Variants in LRRC1 observed in about 807,000 individuals in gnomAD.
LRRC1 encodes the protein leucine-rich repeat-containing protein 1.
In LRRC1, 28 loss-of-function variants were observed where a neutral mutation model predicts 69.9. The ratio of observed to expected loss-of-function variants is 0.40; its 90% CI spans 0.30 to 0.55. The LOEUF (loss-of-function observed/expected upper bound fraction) is 0.55, where lower values mean the gene tolerates loss of function less well. Among genes scored for constraint, LRRC1 ranks in the 20% least tolerant of loss-of-function variants. LRRC1 has a pLI of 0.47. For missense variants in LRRC1, 498 were observed against 609.0 expected (o/e 0.82, Z 1.92); for synonymous variants, 236 against 240.2 (o/e 0.98, Z 0.16).
intron 1 of LRRC1, among the ~76,000 whole-genome samples, chr6:53,807,269 C>T (rs1425185258): frequency 6.6e-6 from 1 of 152,100 alleles, no homozygotes; most frequent in African/African-American, 2.4e-5. Flanking sequence ...TCCTGACAGA[C>T]CCTCCCTCCT....
At chr6:53,845,429 G>A (rs545583902) in intron 2 of LRRC1, among the ~76,000 whole-genome samples, 1 of 152,318 alleles carries the variant, frequency 6.6e-6, no homozygotes, top group Admixed American at 6.5e-5. Context: ...GAGAGGCGAT[G>A]TGAGAACCTG....
intron 1 of LRRC1, among the ~76,000 whole-genome samples, chr6:53,815,446 TCTTGTTCTCTTTTCTC>T (rs1764923991): frequency 9.6e-6 from 1 of 104,124 alleles, no homozygotes; most frequent in African/African-American, 3.5e-5. Flanking sequence ...TTTTCTTTTC[TCTTGTTCTCTTTTCTC>T]CCTCCACTTT....
intron 4 of LRRC1, among the ~76,000 whole-genome samples, chr6:53,890,329 A>G (rs1479493446): frequency 1.3e-5 from 2 of 152,228 alleles, no homozygotes; most frequent in South Asian, 4.1e-4. Flanking sequence ...CATTATCAAT[A>G]AACATTTAAT....
chr6:53,809,302 G>A (rs1764724304), intron 1 of LRRC1, among the ~76,000 whole-genome samples: 1 of 152,202 alleles, frequency 6.6e-6, no homozygotes, highest in Non-Finnish European at 1.5e-5. Flanking sequence ...GCTAATAAAA[G>A]TTAAGGGAAA....
intron 2 of LRRC1, among the ~76,000 whole-genome samples, chr6:53,862,739 C>T (rs1440119700): frequency 6.6e-6 from 1 of 152,156 alleles, no homozygotes; most frequent in African/African-American, 2.4e-5. Context: ...ATGGCTTTGT[C>T]TACAAGGCTG....
intron 1 of LRRC1, among the ~76,000 whole-genome samples, chr6:53,811,823 A>T (rs1230414043): frequency 6.6e-6 from 1 of 152,252 alleles, no homozygotes; most frequent in Non-Finnish European, 1.5e-5. Flanking sequence ...AGGCTTTTAC[A>T]TGCGAGGTAC....
intron 1 of LRRC1, among the ~76,000 whole-genome samples, chr6:53,830,660 T>G (rs1211781045): frequency 6.6e-6 from 1 of 152,014 alleles, no homozygotes; most frequent in Non-Finnish European, 1.5e-5. Context: ...TGTGAGAAGT[T>G]TAAATGTTAG....
intron 9 of LRRC1, 117 bp from the exon 10 acceptor site, chr6:53,904,262 C>T (rs1768161793): frequency 1.1e-5 from 7 of 613,240 alleles, no homozygotes; most frequent in Admixed American, 3.0e-5. Context: ...TCAGCAAGAA[C>T]TATTGCTTCT....
intron 2 of LRRC1, among the ~76,000 whole-genome samples, chr6:53,858,117 T>C (rs1766371959): frequency 6.6e-6 from 1 of 152,212 alleles, no homozygotes; most frequent in Non-Finnish European, 1.5e-5. Context: ...TCGTTGGCCA[T>C]GGTTAGGACC....
Position 53,851,027 on chromosome 6 carries a change from A to G in LRRC1, c.277+8800A>G, listed in dbSNP as rs80348606. On this transcript the variant is annotated intron_variant, in intron 2 of 13. Coordinates refer to ENST00000370888, the MANE Select transcript of LRRC1 (RefSeq NM_018214.5). ...GAGCTGGGAAATTCAGTTAGCTAGA[A>G]GAGGAGAAGAAATATGACCATTGAT... 5.3e-4 allele frequency among the ~76,000 whole-genome samples: 80 copies of G among 152,252 alleles called. 1 individual carries two copies. The East Asian group carries it at 0.015, about 29-fold the overall frequency.
intron 1 of LRRC1, among the ~76,000 whole-genome samples, chr6:53,798,236 G>A (rs1189355258): frequency 2.0e-5 from 3 of 152,202 alleles, no homozygotes; most frequent in Non-Finnish European, 2.9e-5. Context: ...GCAGTTGGGT[G>A]ATAGCCTCAC....
chr6:53,885,517 T>G (rs1205096144), intron 4 of LRRC1, among the ~76,000 whole-genome samples: 1 of 152,234 alleles, frequency 6.6e-6, no homozygotes, highest in Non-Finnish European at 1.5e-5. Flanking sequence ...GTTATCTTTG[T>G]GGAGTCTGAT....
rs376695259 is a variant in LRRC1, at chr6:53,819,606, G to C, written c.160-22504G>C. On this transcript the variant is annotated intron_variant, in intron 1 of 13. Transcript: ENST00000370888. ...ACAGGATTGTAAAGTCAATTGGGAA[G>C]GAAAAGAGCACATTGGAGACTCTAT... 5.7e-3 allele frequency among the ~76,000 whole-genome samples: 867 copies of C among 152,240 alleles called. 7 individuals are homozygous for C. Among genetic ancestry groups the C allele is most frequent in the African/African-American group, 0.02 (823 of 41,528 alleles).
chr6:53,911,019 A>G (rs2127440766), intron 10 of LRRC1, among the ~76,000 whole-genome samples: 1 of 152,378 alleles, frequency 6.6e-6, no homozygotes. Flanking sequence ...ACACTCTGCA[A>G]CAACATGTGC....
Position 53,840,884 on chromosome 6 carries a change from T to TTGTGTGTG in LRRC1, c.160-1189_160-1182dup, listed in dbSNP as rs57491487. Among the ~76,000 whole-genome samples, 429 of 125,280 alleles carry TTGTGTGTG rather than the reference T, an allele frequency of 3.4e-3. 3 individuals carry two copies. Among genetic ancestry groups the TTGTGTGTG allele is most frequent in the African/African-American group, 0.011 (371 of 33,112 alleles). The allele number at this position is 125,280 out of a possible 152,430, so 82.2% of individuals were successfully genotyped here. A position where few individuals can be genotyped will look rare whatever the true frequency, so the allele number is the denominator to read the frequency against. On this transcript the variant is annotated intron_variant, in intron 1 of 13. Coordinates refer to ENST00000370888, the MANE Select transcript of LRRC1 (RefSeq NM_018214.5). ...TCCTCTGGGGTGGGGGGGTATGTGTTTGTGTGTGTGTGTGTGTGTGTGTGT... is the reference window on the plus strand; with the variant it reads ...TCCTCTGGGGTGGGGGGGTATGTGTTTGTGTGTGTGTGTGTGTGTGTGTGTGTGTGTGT...
chr6:53,846,835 T>C (rs925228357), intron 2 of LRRC1, among the ~76,000 whole-genome samples: 3 of 152,212 alleles, frequency 2.0e-5, no homozygotes, highest in Non-Finnish European at 4.4e-5. Flanking sequence ...TATTAGCTGC[T>C]TGAGGAAAAT....
At chr6:53,840,458 T>C (rs1049967654) in intron 1 of LRRC1, among the ~76,000 whole-genome samples, 1 of 152,188 alleles carries the variant, frequency 6.6e-6, no homozygotes, top group African/African-American at 2.4e-5. Context: ...TGCCTTGGTA[T>C]GTACTTTTTT....
chr6:53,921,396 C>T (rs1398769483), intron 13 of LRRC1, among the ~76,000 whole-genome samples: 1 of 152,134 alleles, frequency 6.6e-6, no homozygotes, highest in Non-Finnish European at 1.5e-5. Flanking sequence ...TGAATGCTGT[C>T]TCTTCCCATG....
At chr6:53,862,835 T>G (rs886468217) in intron 2 of LRRC1, among the ~76,000 whole-genome samples, 1 of 152,164 alleles carries the variant, frequency 6.6e-6, no homozygotes, top group African/African-American at 2.4e-5. Flanking sequence ...AACATTTTTT[T>G]CCCCCTGCAC....
Sources: gnomAD v4.1 joint callset for allele counts (sites outside exome capture counted in the v4.1 genomes callset) on GRCh38, gnomAD v4.1.1 for gene constraint, MANE v1.5 for transcripts, NCBI Gene and HGNC (gene_info 2026-07-23, HGNC 2026-07-21) for gene names.